ACSM3: variants seen among roughly 807,000 people sequenced by gnomAD.
The protein encoded by ACSM3 is acyl-CoA synthetase medium chain family member 3, also known as acyl-coenzyme A synthetase ACSM3, mitochondrial.
Under a neutral mutation model 74.1 loss-of-function variants are expected in ACSM3, and 61 were observed. The ratio of observed to expected loss-of-function variants is 0.82; its 90% CI spans 0.67 to 1.02. The LOEUF (loss-of-function observed/expected upper bound fraction) is 1.02, where lower values mean the gene tolerates loss of function less well. Among genes scored for constraint, ACSM3 ranks in the 50% least tolerant of loss-of-function variants. The pLI is 0.00. For missense variants in ACSM3, 660 were observed against 697.0 expected, an observed-to-expected ratio of 0.95 and a Z score of 0.60; for synonymous variants, 213 against 241.5, an observed-to-expected ratio of 0.88 and a Z score of 1.09.
Position 20,790,463 on chromosome 16 carries a change from A to G in ACSM3, c.1225-124A>G, listed in dbSNP as rs1244581183. On this transcript the variant is annotated intron_variant, in intron 9 of 13. Transcript: ENST00000289416. The surrounding 1 kb of genome is among the most constrained non-coding windows in gnomAD (Gnocchi z 4.0). The stretch of plus-strand genomic sequence containing the variant: ...CAAAGTGAGACCTTGTCTCACACAC[A>G]CAAAATTTTTTTTAAGTCTTCATTT... 8 of 903,102 alleles carry G rather than the reference A, an allele frequency of 8.9e-6. No individual in the cohort carries two copies. Among genetic ancestry groups the G allele is most frequent in the South Asian group, 5.1e-5 (3 of 59,138 alleles). The allele number at this position is 903,102 out of a possible 1,614,324, so 55.9% of individuals were successfully genotyped here. A position where few individuals can be genotyped will look rare whatever the true frequency, so the allele number is the denominator to read the frequency against.
At chr16:20,747,395 G>A (rs545990101) in intron 1 of ACSM3, among the ~76,000 whole-genome samples, 1 of 152,276 alleles carries the variant, frequency 6.6e-6, no homozygotes, top group East Asian at 1.9e-4. Flanking sequence ...AACTGCCTTT[G>A]TTCTGCTTCT....
Position 20,792,225 on chromosome 16 carries a change from T to C in ACSM3, c.1455-11T>C. 1 of 1,614,108 alleles carries C rather than the reference T, an allele frequency of 6.2e-7. No individual in the cohort carries two copies. The highest frequency in any genetic ancestry group is 2.2e-5 in the East Asian group (1 of 44,876). ...CTCACCTGTATGTATTCCTGCCATATGTGTTTCTAGCTATCGAATTGGACC... is the reference window on the plus strand; with the variant it reads ...CTCACCTGTATGTATTCCTGCCATACGTGTTTCTAGCTATCGAATTGGACC... On this transcript the variant is annotated splice_polypyrimidine_tract_variant and intron_variant, in intron 11 of 13. Transcript: ENST00000289416.
At chr16:20,756,060 T>C (rs2080029220) in intron 3 of ACSM3, among the ~76,000 whole-genome samples, 1 of 152,168 alleles carries the variant, frequency 6.6e-6, no homozygotes, top group South Asian at 2.1e-4. Context: ...TGGTTCCAAG[T>C]CTTTGCTATT....
At chr16:20,739,968 C>A (rs943389559) in intron 1 of ACSM3, among the ~76,000 whole-genome samples, 1 of 152,172 alleles carries the variant, frequency 6.6e-6, no homozygotes, top group African/African-American at 2.4e-5. Flanking sequence ...TTAGGGTGGA[C>A]CTTAACACGT....
At chr16:20,729,115 AAAAT>A in intron 1 of ACSM3, 1 of 484,288 alleles carries the variant, frequency 2.1e-6, no homozygotes, top group East Asian at 3.5e-5. Context: ...CTCAAAATAT[AAAAT>A]AAATAATTTC....
At chr16:20,780,658 G>T in intron 4 of ACSM3, 56 bp from the exon 5 acceptor site, 1 of 1,614,114 alleles carries the variant, frequency 6.2e-7, no homozygotes, top group South Asian at 1.1e-5. Flanking sequence ...TTTTTCAGTG[G>T]TAACAGTCTG....
At position 20,797,029 on chromosome 16, in the gene ACSM3, G is replaced by A; in HGVS notation, c.*57G>A. ...CAAACATAGTATCTGTCAATCTCTAGAAACCACAAGATGATGGAGAGGTCA... is the reference window on the plus strand; with the variant it reads ...CAAACATAGTATCTGTCAATCTCTAAAAACCACAAGATGATGGAGAGGTCA... On this transcript the variant is annotated 3_prime_UTR_variant, in exon 14 of 14. Transcript: ENST00000289416. 1 of 1,584,770 alleles carries A rather than the reference G, an allele frequency of 6.3e-7. No individual in the cohort carries two copies. The highest frequency in any genetic ancestry group is 1.2e-5 in the South Asian group (1 of 84,714).
At chr16:20,731,768 G>A (rs564437421) in intron 1 of ACSM3, 62 of 318,022 alleles carry the variant, frequency 1.9e-4, no homozygotes, top group East Asian at 1.7e-4. Flanking sequence ...AGTTAAGTTT[G>A]GATGTTACCA....
chr16:20,738,302 CT>C (rs749491475), intron 1 of ACSM3: 1 of 356,692 alleles, frequency 2.8e-6, no homozygotes, highest in Non-Finnish European at 5.4e-6. Flanking sequence ...ACAGTACACA[CT>C]TTTTTACAAA....
At chr16:20,791,668 T>C (rs1380565608) in intron 10 of ACSM3, among the ~76,000 whole-genome samples, 1 of 152,210 alleles carries the variant, frequency 6.6e-6, no homozygotes, top group Non-Finnish European at 1.5e-5. Context: ...GGCTTATGCC[T>C]GTAATCTCAG....
At chr16:20,754,501 G>A (rs1190979155) in intron 2 of ACSM3, among the ~76,000 whole-genome samples, 2 of 152,158 alleles carry the variant, frequency 1.3e-5, no homozygotes, top group Non-Finnish European at 2.9e-5. Flanking sequence ...CACCAGAACA[G>A]TGCAAATAAG....
intron 1 of ACSM3, among the ~76,000 whole-genome samples, chr16:20,691,888 A>C (rs2079657655): frequency 1.3e-5 from 2 of 151,048 alleles, no homozygotes; most frequent in African/African-American, 4.9e-5. Context: ...TATGATTCCT[A>C]TCATGTGGAG....
chr16:20,747,878 C>G (rs1488470928), intron 1 of ACSM3, among the ~76,000 whole-genome samples: 2 of 152,186 alleles, frequency 1.3e-5, no homozygotes, highest in Non-Finnish European at 2.9e-5. Flanking sequence ...TGATGGCTCA[C>G]GCCTGTAATC....
rs1485443374 is a variant in ACSM3 at position 20,707,812 on chromosome 16, A to C, written c.-190+32990A>C. On this transcript the variant is annotated intron_variant, in intron 1 of 3. Transcript: ENST00000561584. Reference sequence around the variant, plus strand: ...ATTTGCTCTTTCAAATGAAAAGGTTACTTGAATAACAAGAAATCAGACAAA... The same window carrying C: ...ATTTGCTCTTTCAAATGAAAAGGTTCCTTGAATAACAAGAAATCAGACAAA... 6.6e-5 allele frequency among the ~76,000 whole-genome samples: 10 copies of C among 152,326 alleles called. No homozygotes were observed. The East Asian group carries it at 1.9e-3, about 29-fold the overall frequency.
chr16:20,777,655 T>A, intron 4 of ACSM3, 75 bp downstream of exon 4: 1 of 1,335,622 alleles, frequency 7.5e-7, no homozygotes, highest in African/African-American at 1.5e-5. Context: ...AACCCAGCAG[T>A]GATTAGAAAA....
chr16:20,776,162 GT>G, intron 3 of ACSM3, 113 bp downstream of exon 3: 1 of 1,176,902 alleles, frequency 8.5e-7, no homozygotes, highest in South Asian at 1.4e-5. Flanking sequence ...TTGTCAAAGA[GT>G]GCCTTTAAAT....
intron 1 of ACSM3, among the ~76,000 whole-genome samples, chr16:20,748,170 A>G (rs952277685): frequency 3.3e-5 from 5 of 151,706 alleles, no homozygotes; most frequent in Non-Finnish European, 5.9e-5. Flanking sequence ...TAGATAGATA[A>G]ATAAATAAAT....
At chr16:20,695,418 T>A (rs980969338) in intron 1 of ACSM3, among the ~76,000 whole-genome samples, 2 of 152,238 alleles carry the variant, frequency 1.3e-5, no homozygotes, top group African/African-American at 4.8e-5. Flanking sequence ...AGGGAAGCTC[T>A]TATAGAGTAG....
rs145327130 is a variant in ACSM3 at position 20,737,722 on chromosome 16, A to G, written c.-189-12188A>G. On this transcript the variant is annotated intron_variant, in intron 1 of 3. Transcript: ENST00000561584. ...GAGAAACATACCTGCCAATTCTCTG[A>G]TAACTTCTTCTCTATTCACATGACT... 9.3e-6 allele frequency: 15 copies of G among 1,607,848 alleles called. No individual in the cohort carries two copies. The African/African-American group carries it at 1.7e-4, about 19-fold the overall frequency.
Sources: gnomAD v4.1 joint callset for allele counts (sites outside exome capture counted in the v4.1 genomes callset) on GRCh38, gnomAD v4.1.1 for gene constraint, Gnocchi (gnomAD v3.1) non-coding constraint, MANE v1.5 for transcripts, NCBI Gene and HGNC (gene_info 2026-07-23, HGNC 2026-07-21) for gene names.